The following ITGA6 variants were observed in gnomAD, a reference collection of about 807,000 sequenced individuals.
The protein encoded by ITGA6 is integrin subunit alpha 6, also known as integrin alpha-6.
In ITGA6, 63 loss-of-function variants were observed where a neutral mutation model predicts 133.6. That is an observed-to-expected ratio of 0.47 (90% CI 0.38 to 0.58). The LOEUF (loss-of-function observed/expected upper bound fraction) is 0.58. Ranked by LOEUF, ITGA6 falls within the 20% of genes least tolerant of loss-of-function variation. ITGA6 has a pLI of 0.00. For missense variants in ITGA6, 1,068 were observed against 1,309.4 expected (o/e 0.82, Z 2.85); for synonymous variants, 434 against 482.0 (o/e 0.90, Z 1.30).
In ITGA6 at chr2:172,434,895, T is replaced by C. The variant is rs373514388; in HGVS notation, c.182+6925T>C. On this transcript the variant is annotated intron_variant, in intron 1 of 25. Coordinates refer to ENST00000684293, the MANE Select transcript of ITGA6 (RefSeq NM_000210.4). ...AATAATTTGAAAGGGGCACACTGGT[T>C]AGTTGAAGAGTAAGGAAGCACCCAG... Among the ~76,000 whole-genome samples, 16 of 152,170 alleles carry C rather than the reference T, an allele frequency of 1.1e-4. 1 individual carries two copies. Among genetic ancestry groups the C allele is most frequent in the African/African-American group, 3.9e-4 (16 of 41,506 alleles).
chr2:172,446,856 A>G (rs1469682939), intron 1 of ITGA6, among the ~76,000 whole-genome samples: 1 of 152,156 alleles, frequency 6.6e-6, no homozygotes, highest in Non-Finnish European at 1.5e-5. Flanking sequence ...TCTTAGTGGT[A>G]TGAATTGCTT....
At chr2:172,480,364 G>A (rs1448349402) in intron 11 of ITGA6, among the ~76,000 whole-genome samples, 1 of 151,786 alleles carries the variant, frequency 6.6e-6, no homozygotes, top group Admixed American at 6.6e-5. Flanking sequence ...GTGGAAAATT[G>A]ATTTTGTGGT....
chr2:172,476,603 A>G (rs931024521), intron 9 of ITGA6, 90 bp downstream of exon 9: 18 of 808,698 alleles, frequency 2.2e-5, no homozygotes, highest in Admixed American at 1.7e-4. Context: ...TGTCATACCT[A>G]TACTTCAAAG....
rs1574310744 is a variant in ITGA6, at chr2:172,433,453, G to C, written c.182+5483G>C. Among the ~76,000 whole-genome samples the C allele has an allele frequency of 2.0e-5, 3 of 152,164 alleles. No homozygotes were observed. In the South Asian group the frequency reaches 6.2e-4, roughly 32 times the overall value. On this transcript the variant is annotated intron_variant, in intron 1 of 25. Coordinates refer to ENST00000684293, the MANE Select transcript of ITGA6 (RefSeq NM_000210.4). ...GCCAGGTAGGATCAAACCCTTTTCT[G>C]CCATTGACTAGCTATGATTTTGTGC...
rs988175046 is a variant in ITGA6 at position 172,455,537 on chromosome 2, T to A, written c.183-10002T>A. On this transcript the variant is annotated intron_variant, in intron 1 of 25. Coordinates refer to ENST00000684293, the MANE Select transcript of ITGA6 (RefSeq NM_000210.4). Reference sequence around the variant, plus strand: ...CACCAACCCTGACTGCAGCTGCTGCTAAATAGTTGTGAACAGCAGTGACTT... The same window carrying A: ...CACCAACCCTGACTGCAGCTGCTGCAAAATAGTTGTGAACAGCAGTGACTT... Among the ~76,000 whole-genome samples, 7 of 152,348 alleles carry A rather than the reference T, an allele frequency of 4.6e-5. 1 individual carries two copies. Among genetic ancestry groups the A allele is most frequent in the Middle Eastern group, 3.4e-3 (1 of 294 alleles).
At chr2:172,440,963 G>A (rs1237910349) in intron 1 of ITGA6, among the ~76,000 whole-genome samples, 6 of 152,122 alleles carry the variant, frequency 3.9e-5, no homozygotes, top group African/African-American at 1.4e-4. Flanking sequence ...GTTTGTTCAG[G>A]GAACACCAAT....
At chr2:172,501,264 G>A (rs1231233763) in intron 24 of ITGA6, among the ~76,000 whole-genome samples, 1 of 152,120 alleles carries the variant, frequency 6.6e-6, no homozygotes, top group African/African-American at 2.4e-5. Context: ...CAGATCCAAA[G>A]GCCTCAAGTA....
chr2:172,471,640 G>T, intron 5 of ITGA6, among the ~76,000 whole-genome samples: 1 of 152,208 alleles, frequency 6.6e-6, no homozygotes, highest in Non-Finnish European at 1.5e-5. Context: ...ATGGATAAAA[G>T]CTTCCCAGCG....
intron 1 of ITGA6, among the ~76,000 whole-genome samples, chr2:172,430,041 G>A (rs974651577): frequency 6.6e-6 from 1 of 152,238 alleles, no homozygotes; most frequent in Non-Finnish European, 1.5e-5. Context: ...GAAAAACTCA[G>A]TGGGGGTCTT....
At chr2:172,488,413 A>G (rs1296978625) in intron 19 of ITGA6, among the ~76,000 whole-genome samples, 185 bp downstream of exon 19, 3 of 152,386 alleles carry the variant, frequency 2.0e-5, no homozygotes, top group Middle Eastern at 3.4e-3. Context: ...ATCCTCCAGG[A>G]TGGAGAACAA....
chr2:172,503,539 ACCT>A (rs1451955332), intron 25 of ITGA6: 1 of 152,152 alleles, frequency 6.6e-6, no homozygotes, highest in Non-Finnish European at 1.5e-5. Context: ...AACATAAATG[ACCT>A]CCTGGCTAAT....
rs771270575 is a variant in ITGA6, at chr2:172,491,316, C to T, written c.2874C>T (p.Asn958=). 16 of 1,607,590 alleles carry T rather than the reference C, an allele frequency of 1.0e-5. No individual in the cohort carries two copies. The Admixed American group carries it at 1.0e-4, about 10-fold the overall frequency. Residue 958 remains asparagine (N), a synonymous_variant, in exon 22 of 26, where the codon AAC becomes AAT. Transcript: ENST00000684293. The surrounding 1 kb of genome is among the most constrained non-coding windows in gnomAD (Gnocchi z 4.4). ...ASLILRSRLW[N]STFLEEYSKL... The stretch of plus-strand genomic sequence containing the variant: ...TTATTTTGCGCTCGAGGTTATGGAA[C>T]AGCACATTTCTAGAGGTATGACCTT...
At position 172,505,159 on chromosome 2, in the gene ITGA6, T is replaced by TAA. The variant is rs1328275178; in HGVS notation, c.*1092_*1093dup. 1 of 152,664 alleles carries TAA rather than the reference T, an allele frequency of 6.6e-6. No homozygotes were observed. Among genetic ancestry groups the TAA allele is most frequent in the Admixed American group, 6.5e-5 (1 of 15,280 alleles). 9.5% of individuals were successfully genotyped at this position (152,664 alleles called of 1,614,324 possible). A position where few individuals can be genotyped will look rare whatever the true frequency, so the allele number is the denominator to read the frequency against. Reference sequence around the variant, plus strand: ...CCAAAAGGTTTAAGAAATAGAATTATAACTGTAAAGATGTTTATTTCAGGC... The same window carrying TAA: ...CCAAAAGGTTTAAGAAATAGAATTATAAAACTGTAAAGATGTTTATTTCAGGC... On this transcript the variant is annotated 3_prime_UTR_variant, in exon 26 of 26. Transcript: ENST00000684293.
intron 9 of ITGA6, among the ~76,000 whole-genome samples, chr2:172,478,767 A>G (rs867131475): frequency 5.3e-5 from 8 of 152,268 alleles, no homozygotes; most frequent in Middle Eastern, 3.4e-3. Context: ...AAAGTTGTCA[A>G]TCCTGGCAAT....
At position 172,465,651 on chromosome 2, in the gene ITGA6, T is replaced by G; in HGVS notation, c.295T>G (p.Phe99Val). ...CCGGGGGCCATGCACGCGGATCGAG[T>G]TTGATAACGATGGTGCGTTCCTTTC... The part of the protein sequence containing the change: ...TARGPCTRIE[F>V]DNDADPTSES... The change falls in exon 2 of 26, where the codon TTT becomes GTT. Residue 99 changes from phenylalanine to valine, a missense_variant. Around this residue, in one of 3 missense-constraint regions of ITGA6, gnomAD observed 142 missense variants for 145.3 expected, o/e 0.98. Coordinates refer to ENST00000684293, the MANE Select transcript of ITGA6 (RefSeq NM_000210.4). 6.2e-7 allele frequency: 1 copy of G among 1,614,096 alleles called. No homozygotes were observed. The highest frequency in any genetic ancestry group is 8.5e-7 in the Non-Finnish European group (1 of 1,180,002).
intron 1 of ITGA6, among the ~76,000 whole-genome samples, chr2:172,459,169 A>G (rs766583963): frequency 2.0e-5 from 3 of 152,210 alleles, no homozygotes; most frequent in Non-Finnish European, 4.4e-5. Flanking sequence ...GGTCCCACAT[A>G]GGCTCACCAT....
intron 1 of ITGA6, among the ~76,000 whole-genome samples, chr2:172,437,422 G>A (rs551700019): frequency 1.3e-5 from 2 of 152,268 alleles, no homozygotes; most frequent in East Asian, 3.9e-4. Context: ...GATTTCCTGG[G>A]GACTAGGTAT....
intron 9 of ITGA6, among the ~76,000 whole-genome samples, chr2:172,478,258 A>AC (rs1178363350): frequency 2.0e-5 from 3 of 152,214 alleles, no homozygotes; most frequent in Non-Finnish European, 4.4e-5. Context: ...CCTTTATTGG[A>AC]CCCTACCTTC....
chr2:172,428,011 C>T (rs1294130233), intron 1 of ITGA6, 41 bp downstream of exon 1: 3 of 1,574,318 alleles, frequency 1.9e-6, no homozygotes, highest in Non-Finnish European at 2.6e-6. Context: ...GGGGCGCCGG[C>T]CTGCGCGCGA....
Sources: gnomAD v4.1 joint callset for allele counts (sites outside exome capture counted in the v4.1 genomes callset) on GRCh38, gnomAD v4.1.1 for gene constraint, gnomAD v4.1.1 regional missense constraint, Gnocchi (gnomAD v3.1) non-coding constraint, MANE v1.5 for transcripts, NCBI Gene and HGNC (gene_info 2026-07-23, HGNC 2026-07-21) for gene names.